ESRP2: variants seen among roughly 807,000 people sequenced by gnomAD.
ESRP2 encodes RNA binding motif protein 35A.
ESRP2 carries 48 observed loss-of-function variants against 78.6 expected under a neutral mutation model. That is an observed-to-expected ratio of 0.61 (90% CI 0.48 to 0.78). The LOEUF (loss-of-function observed/expected upper bound fraction) is 0.78. Ranked by LOEUF, ESRP2 falls within the 30% of genes least tolerant of loss-of-function variation. ESRP2 has a pLI of 0.00. For synonymous variants in ESRP2, 383 were observed against 406.7 expected (o/e 0.94, Z 0.70); for missense variants, 863 against 965.9 (o/e 0.89, Z 1.41).
chr16:68,234,483 G>C (rs1445557475), intron 2 of ESRP2: 2 of 177,842 alleles, frequency 1.1e-5, no homozygotes, highest in Non-Finnish European at 2.3e-5. Context: ...CCTCAGACAG[G>C]TGGGGGAGGC....
rs2042166355 is a variant in ESRP2, at chr16:68,232,961, G to T, written c.656-146C>A. 1.8e-6 allele frequency: 2 copies of T among 1,120,364 alleles called. No homozygotes were observed. Among genetic ancestry groups the T allele is most frequent in the Admixed American group, 4.1e-5 (2 of 49,046 alleles). The allele number at this position is 1,120,364 out of a possible 1,614,324, so 69.4% of individuals were successfully genotyped here. On this transcript the variant is annotated intron_variant, in intron 5 of 14. Transcript: ENST00000473183. The surrounding 1 kb of genome is among the most constrained non-coding windows in gnomAD (Gnocchi z 5.2). The stretch of plus-strand genomic sequence containing the variant: ...CGCCTATAATCCCAGCACTTTGGGA[G>T]GCCAAGGTGGGTGGATCATTTGAGG...
Position 68,235,441 on chromosome 16 carries a change from C to T in ESRP2, c.327+193G>A, listed in dbSNP as rs532563231. ...CCTGCAATGGTTGAAAAGTAAGGAG[C>T]CCAGGGGAATGGCTGGCACGCGCGG... On this transcript the variant is annotated intron_variant, in intron 2 of 14. Coordinates refer to ENST00000473183, the MANE Select transcript of ESRP2 (RefSeq NM_024939.3). This position sits in a 1 kb window ranked among gnomAD's most constrained non-coding sequence, Gnocchi z 5.5. The T allele has an allele frequency of 2.0e-6, 2 of 985,436 alleles. No homozygotes were observed. The highest frequency in any genetic ancestry group is 1.1e-4 in the East Asian group (1 of 8,816). The allele number at this position is 985,436 out of a possible 1,614,324, so 61.0% of individuals were successfully genotyped here. A position where few individuals can be genotyped will look rare whatever the true frequency, so the allele number is the denominator to read the frequency against.
At position 68,235,337 on chromosome 16, in the gene ESRP2, G is replaced by A. The variant is rs2042209225; in HGVS notation, c.327+297C>T. 9 of 985,428 alleles carry A rather than the reference G, an allele frequency of 9.1e-6. 1 individual carries two copies. In the South Asian group the frequency reaches 4.2e-4, roughly 46 times the overall value. The allele number at this position is 985,428 out of a possible 1,614,324, so 61.0% of individuals were successfully genotyped here. On this transcript the variant is annotated intron_variant, in intron 2 of 14. Transcript: ENST00000473183. The surrounding 1 kb of genome is among the most constrained non-coding windows in gnomAD (Gnocchi z 5.5). ...CTGACCCAGCAGGTCTCCCAAAGGC[G>A]TCTCGGCCTCGCTCCCCGGGCGGGA...
intron 13 of ESRP2, 127 bp from the exon 14 acceptor site, chr16:68,230,681 G>T: frequency 7.0e-7 from 1 of 1,419,992 alleles, no homozygotes; most frequent in Non-Finnish European, 9.5e-7. Flanking sequence ...AGCCTCTACA[G>T]AGTCATTTTC....
rs926371541 is a variant in ESRP2 at position 68,231,497 on chromosome 16, C to G, written c.1497G>C (p.Met499Ile). The change falls in exon 11 of 15, where the codon ATG becomes ATC. Residue 499 changes from methionine to isoleucine, a missense_variant. Physicochemically the swap from Met to Ile is conservative, Grantham distance 10. Coordinates refer to ENST00000473183, the MANE Select transcript of ESRP2 (RefSeq NM_024939.3). This position sits in a 1 kb window ranked among gnomAD's most constrained non-coding sequence, Gnocchi z 6.0. The part of the protein sequence containing the change: ...AADIRPHGVH[M>I]VLNQQGRPSG... ...GTGGCTTCACCTGCTGGTTGAGCAC[C>G]ATGTGTACACCGTGGGGCCGAATGT... 3 of 1,613,932 alleles carry G rather than the reference C, an allele frequency of 1.9e-6. No homozygotes were observed. The African/African-American group carries it at 4.0e-5, about 22-fold the overall frequency.
At position 68,232,391 on chromosome 16, in the gene ESRP2, T is replaced by C. The variant is rs370503768; in HGVS notation, c.934A>G (p.Met312Val). 7 of 1,613,858 alleles carry C rather than the reference T, an allele frequency of 4.3e-6. No individual in the cohort carries two copies. The highest frequency in any genetic ancestry group is 2.2e-5 in the East Asian group (1 of 44,866). Residue 312 changes from methionine to valine, a missense_variant, in exon 8 of 15, where the codon ATG (methionine) becomes GTG (valine). Transcript: ENST00000473183. This position sits in a 1 kb window ranked among gnomAD's most constrained non-coding sequence, Gnocchi z 5.2. ...CCCACCTCAATATAGCGGACGCCCA[T>C]GTGGTGCTTGTGTCTCTGCAGCGCT... ...DLALQRHKHH[M>V]GVRYIEVYKA...
At chr16:68,233,511 C>G in intron 4 of ESRP2, 86 bp from the exon 5 acceptor site, 1 of 1,014,190 alleles carries the variant, frequency 9.9e-7, no homozygotes, top group Non-Finnish European at 1.6e-6. Context: ...TCCATAGACA[C>G]ATGCTGGAGA....
rs745732709 is a variant in ESRP2 at position 68,233,851 on chromosome 16, AAGG to A, written c.470_472del (p.Ser157del). 3.1e-6 allele frequency: 5 copies of A among 1,613,970 alleles called. No homozygotes were observed. The highest frequency in any genetic ancestry group is 1.3e-5 in the African/African-American group (1 of 74,896). ...ATGGAATTCTCTTCGGAGGTCATAG[AAGG>A]AGAAGAACATGTCGGGGAGCACCAG... On this transcript the variant is annotated inframe_deletion, in exon 4 of 15. Coordinates refer to ENST00000473183, the MANE Select transcript of ESRP2 (RefSeq NM_024939.3).
rs566080902 is a variant in ESRP2, at chr16:68,232,470, G to A, written c.855C>T (p.Gly285=). ...GGATGAGGGCCTCGCCATTTCTGCG[G>A]CCCTGGGCGTTGAGGCAGAGTGCTA... ...GGVALCLNAQ[G]RRNGEALIRF... The change falls in exon 8 of 15, where the codon GGC becomes GGT. Residue 285 remains glycine, a synonymous_variant. Coordinates refer to ENST00000473183, the MANE Select transcript of ESRP2 (RefSeq NM_024939.3). This position sits in a 1 kb window ranked among gnomAD's most constrained non-coding sequence, Gnocchi z 5.2. 2.5e-6 allele frequency: 4 copies of A among 1,614,196 alleles called. No homozygotes were observed. In the South Asian group the frequency reaches 3.3e-5, roughly 13 times the overall value.
In ESRP2 at chr16:68,232,625, G is replaced by A. The variant is rs2042160756; in HGVS notation, c.773C>T (p.Ser258Leu). Reference sequence around the variant, plus strand: ...GAAGCGAGCCACGTCCTGGTCTGATGACTGCCACGGCAACCCACGAGCCCG... The same window carrying A: ...GAAGCGAGCCACGTCCTGGTCTGATAACTGCCACGGCAACCCACGAGCCCG... ...VVRARGLPWQSSDQDVARFFK... is the reference protein window; with the variant it reads ...VVRARGLPWQLSDQDVARFFK... The change falls in exon 7 of 15, where the codon TCA becomes TTA. Residue 258 changes from serine (S) to leucine (L), a missense_variant. Ser to Leu is a moderately radical substitution (Grantham distance 145). Coordinates refer to ENST00000473183, the MANE Select transcript of ESRP2 (RefSeq NM_024939.3). This position sits in a 1 kb window ranked among gnomAD's most constrained non-coding sequence, Gnocchi z 5.2. The A allele has an allele frequency of 6.2e-7, 1 of 1,614,140 alleles. No individual in the cohort carries two copies. The highest frequency in any genetic ancestry group is 8.5e-7 in the Non-Finnish European group (1 of 1,180,034).
At position 68,230,442 on chromosome 16, in the gene ESRP2, C is replaced by A. The variant is rs750308853; in HGVS notation, c.2011G>T (p.Val671Phe). The stretch of plus-strand genomic sequence containing the variant: ...TCCTTCATACCAGCCGTGTATGGGA[C>A]ACCCTGCATGCGGACCAAGGCTCCT... ...QSGALVRMQG[V>F]PYTAGMKDLL... The change falls in exon 14 of 15, where the codon GTC becomes TTC. Residue 671 changes from valine to phenylalanine, a missense_variant. Physicochemically the swap from Val to Phe is conservative, Grantham distance 50 (BLOSUM62 -1). Coordinates refer to ENST00000473183, the MANE Select transcript of ESRP2 (RefSeq NM_024939.3). 1 of 1,613,080 alleles carries A rather than the reference C, an allele frequency of 6.2e-7. No homozygotes were observed. Among genetic ancestry groups the A allele is most frequent in the South Asian group, 1.1e-5 (1 of 90,928 alleles).
Position 68,229,567 on chromosome 16 carries a change from C to A in ESRP2, c.*659G>T, listed in dbSNP as rs2042097319. 6.6e-6 allele frequency: 1 copy of A among 152,412 alleles called. No individual in the cohort carries two copies. Among genetic ancestry groups the A allele is most frequent in the African/African-American group, 2.4e-5 (1 of 41,442 alleles). 9.4% of individuals were successfully genotyped at this position (152,412 alleles called of 1,614,324 possible). On this transcript the variant is annotated 3_prime_UTR_variant, in exon 15 of 15. Coordinates refer to ENST00000473183, the MANE Select transcript of ESRP2 (RefSeq NM_024939.3). The stretch of plus-strand genomic sequence containing the variant: ...GAAGGTTTTGTGTGGGGGCCTACTG[C>A]CCCCTAATGTCTTCTGGTGATACTG...
Position 68,231,739 on chromosome 16 carries a change from G to A in ESRP2, c.1300-45C>T, listed in dbSNP as rs2042143155. The A allele has an allele frequency of 4.4e-6, 7 of 1,594,404 alleles. No homozygotes were observed. The East Asian group carries it at 1.3e-4, about 31-fold the overall frequency. ...CAGGCTGGTCATGCCAAGTAGGGCAGGGACACAGAGGGCCGCCCTGGAGTA... is the reference window on the plus strand; with the variant it reads ...CAGGCTGGTCATGCCAAGTAGGGCAAGGACACAGAGGGCCGCCCTGGAGTA... On this transcript the variant is annotated intron_variant, in intron 10 of 14. Coordinates refer to ENST00000473183, the MANE Select transcript of ESRP2 (RefSeq NM_024939.3). The surrounding 1 kb of genome is among the most constrained non-coding windows in gnomAD (Gnocchi z 6.0).
In ESRP2 at chr16:68,232,288, C is replaced by T. The variant is rs764341852; in HGVS notation, c.955G>A (p.Val319Met). ...AACTCCTCCCCTGTCGCTTTATACA[C>T]CTGTGGGTACAGAGAGCAGCAGCCC... The part of the protein sequence containing the change: ...KHHMGVRYIE[V>M]YKATGEEFVK... The change falls in exon 9 of 15, where the codon GTG (valine) becomes ATG (methionine). Residue 319 changes from valine (V) to methionine (M), a missense_variant and splice_region_variant. Physicochemically the swap from Val to Met is conservative, Grantham distance 21. Coordinates refer to ENST00000473183, the MANE Select transcript of ESRP2 (RefSeq NM_024939.3). This position sits in a 1 kb window ranked among gnomAD's most constrained non-coding sequence, Gnocchi z 5.2. The T allele has an allele frequency of 4.3e-6, 7 of 1,614,084 alleles. No individual in the cohort carries two copies. Among genetic ancestry groups the T allele is most frequent in the South Asian group, 1.1e-5 (1 of 91,086 alleles).
At chr16:68,234,137 ACACAGATT>A in intron 2 of ESRP2, 30 bp from the exon 3 acceptor site, 1 of 1,516,078 alleles carries the variant, frequency 6.6e-7, no homozygotes, top group Non-Finnish European at 9.0e-7. Context: ...AGAGAGAAAC[ACACAGATT>A]CACAGCTGGG....
Position 68,235,183 on chromosome 16 carries a change from C to A in ESRP2, c.327+451G>T, listed in dbSNP as rs2042206957. The A allele has an allele frequency of 1.0e-6, 1 of 985,254 alleles. No homozygotes were observed. Among genetic ancestry groups the A allele is most frequent in the East Asian group, 1.1e-4 (1 of 8,802 alleles). 61.0% of individuals were successfully genotyped at this position (985,254 alleles called of 1,614,324 possible). On this transcript the variant is annotated intron_variant, in intron 2 of 14. Coordinates refer to ENST00000473183, the MANE Select transcript of ESRP2 (RefSeq NM_024939.3). This position sits in a 1 kb window ranked among gnomAD's most constrained non-coding sequence, Gnocchi z 5.5. ...AGTTTACACCTGGCGGCGTCTACCTCTAGGGCCGACACCGCCCTACGCCTC... is the reference window on the plus strand; with the variant it reads ...AGTTTACACCTGGCGGCGTCTACCTATAGGGCCGACACCGCCCTACGCCTC...
chr16:68,230,863 T>C lies in ESRP2; in HGVS notation c.1876A>G (p.Asn626Asp). 6.2e-7 allele frequency: 1 copy of C among 1,613,942 alleles called. No individual in the cohort carries two copies. The highest frequency in any genetic ancestry group is 8.5e-7 in the Non-Finnish European group (1 of 1,179,940). ...TACCTTGGGTAGTAGGCTGTGTAGT[T>C]CAGGTAGAGTTGAGTGGCTGGCCCT... ...YPGPATQLYL[N>D]YTAYYPSPPV... is the part of the protein sequence containing the mutation. The change falls in exon 13 of 15, where the codon AAC becomes GAC. Residue 626 changes from asparagine to aspartate, a missense_variant. By Grantham distance (23) the Asn-to-Asp change is conservative. Transcript: ENST00000473183.
rs1473888401 is a variant in ESRP2, at chr16:68,234,012, G to A, written c.423C>T (p.His141=). 6.2e-7 allele frequency: 1 copy of A among 1,613,958 alleles called. No homozygotes were observed. Among genetic ancestry groups the A allele is most frequent in the Non-Finnish European group, 8.5e-7 (1 of 1,179,988 alleles). The change falls in exon 3 of 15, where the codon CAC becomes CAT. Residue 141 remains histidine (H), a synonymous_variant. Coordinates refer to ENST00000473183, the MANE Select transcript of ESRP2 (RefSeq NM_024939.3). ...DGQQLLRQVL[H]PEASRKNLVL... ...AGCATACCTTCCTGGAGGCCTCGGG[G>A]TGCAGGACCTGTCGCAATAGCTGCT...
At position 68,235,159 on chromosome 16, in the gene ESRP2, GTTT is replaced by G. The variant is rs1239647773; in HGVS notation, c.327+472_327+474del. 2.1e-5 allele frequency: 21 copies of G among 985,212 alleles called. No individual in the cohort carries two copies. Among genetic ancestry groups the G allele is most frequent in the Non-Finnish European group, 2.5e-5 (21 of 829,910 alleles). The allele number at this position is 985,212 out of a possible 1,614,324, so 61.0% of individuals were successfully genotyped here. ...CGGCCGGGACAGGCCTAGACGAGCA[GTTT>G]ACACCTGGCGGCGTCTACCTCTAGG... On this transcript the variant is annotated intron_variant, in intron 2 of 14. Coordinates refer to ENST00000473183, the MANE Select transcript of ESRP2 (RefSeq NM_024939.3). The surrounding 1 kb of genome is among the most constrained non-coding windows in gnomAD (Gnocchi z 5.5).
Sources: gnomAD v4.1 joint callset for allele counts on GRCh38, gnomAD v4.1.1 for gene constraint, Gnocchi (gnomAD v3.1) non-coding constraint, MANE v1.5 for transcripts, NCBI Gene and HGNC (gene_info 2026-07-23, HGNC 2026-07-21) for gene names.